TBC1D19: variants seen among roughly 807,000 people sequenced by gnomAD.
TBC1D19 encodes TBC1 domain family, member 19.
Under a neutral mutation model 89.0 loss-of-function variants are expected in TBC1D19, and 60 were observed. The observed-to-expected ratio is 0.67, with a 90% CI of 0.55 to 0.84. The LOEUF (loss-of-function observed/expected upper bound fraction) is 0.84, where lower values mean the gene tolerates loss of function less well. Ranked by LOEUF, TBC1D19 falls within the 40% of genes least tolerant of loss-of-function variation. The pLI, the probability that TBC1D19 is intolerant of heterozygous loss-of-function variation, is 0.00. For missense variants in TBC1D19, 500 were observed against 610.8 expected, an observed-to-expected ratio of 0.82 and a Z score of 1.91; for synonymous variants, 189 against 199.7, an observed-to-expected ratio of 0.95 and a Z score of 0.45.
intron 15 of TBC1D19, among the ~76,000 whole-genome samples, chr4:26,732,739 C>T (rs567990819): frequency 3.9e-5 from 6 of 152,304 alleles, no homozygotes; most frequent in Non-Finnish European, 5.9e-5. Context: ...CACACATAAA[C>T]AAGCTGCAAA....
chr4:26,581,591 G>T (rs1171506443), upstream of TBC1D19, among the ~76,000 whole-genome samples: 1 of 152,164 alleles, frequency 6.6e-6, no homozygotes, highest in South Asian at 2.1e-4. Flanking sequence ...TGGTGTATAT[G>T]TGCCACCAGA....
intron 7 of TBC1D19, 59 bp downstream of exon 7, chr4:26,640,246 G>T (rs1577852773): frequency 1.5e-6 from 2 of 1,378,774 alleles, no homozygotes; most frequent in East Asian, 2.3e-5. Flanking sequence ...AATAAATGAT[G>T]ATGTAAAAAT....
chr4:26,853,481 G>A, the TBC1D19 span, among the ~76,000 whole-genome samples: 1 of 151,956 alleles, frequency 6.6e-6, no homozygotes, highest in Admixed American at 6.5e-5. Flanking sequence ...ACATAGTAGC[G>A]GGCCCAATAA....
the TBC1D19 span, among the ~76,000 whole-genome samples, chr4:26,769,590 T>C: frequency 1.3e-5 from 2 of 151,890 alleles, no homozygotes; most frequent in African/African-American, 2.4e-5. Context: ...ACACCCAGCC[T>C]GGAGTGTAGT....
intron 1 of TBC1D19, among the ~76,000 whole-genome samples, chr4:26,603,833 T>C (rs1026130663): frequency 2.0e-4 from 30 of 152,372 alleles, no homozygotes; most frequent in African/African-American, 6.3e-4. Flanking sequence ...AATGACCATT[T>C]TAATCAGTAA....
rs1743195108 is a variant in TBC1D19, at chr4:26,637,302, T to C, written c.369+17T>C. 5.0e-6 allele frequency: 8 copies of C among 1,591,980 alleles called. No homozygotes were observed. The South Asian group carries it at 7.8e-5, about 16-fold the overall frequency. On this transcript the variant is annotated intron_variant, in intron 5 of 20. Coordinates refer to ENST00000264866, the MANE Select transcript of TBC1D19 (RefSeq NM_018317.4). ...GCACGAAAGGTACTTTTAAACATTT[T>C]TCTGTTTAAGTATTTCATTGTGAAT...
intron 19 of TBC1D19, among the ~76,000 whole-genome samples, chr4:26,751,131 C>T (rs1294356533): frequency 6.6e-6 from 1 of 152,162 alleles, no homozygotes; most frequent in African/African-American, 2.4e-5. Context: ...CAAACCTGTT[C>T]TGTGGAAGGG....
chr4:26,726,157 AC>A, intron 15 of TBC1D19, among the ~76,000 whole-genome samples: 1 of 151,162 alleles, frequency 6.6e-6, no homozygotes, highest in Non-Finnish European at 1.5e-5. Flanking sequence ...ACACACACAC[AC>A]ACACACACAC....
intron 13 of TBC1D19, among the ~76,000 whole-genome samples, chr4:26,698,849 T>C (rs558236946): frequency 6.6e-6 from 1 of 152,284 alleles, no homozygotes; most frequent in African/African-American, 2.4e-5. Flanking sequence ...TTACACCTTA[T>C]ACAAAAATTA....
intron 4 of TBC1D19, among the ~76,000 whole-genome samples, chr4:26,630,382 A>G (rs1221053836): frequency 6.6e-6 from 1 of 152,098 alleles, no homozygotes; most frequent in Admixed American, 6.6e-5. Context: ...CTTTTGAATA[A>G]CATGAAAGCT....
rs1719189738 is a variant in TBC1D19, at chr4:26,755,019, A to C, written c.*72A>C. The C allele has an allele frequency of 1.5e-6, 2 of 1,376,738 alleles. No homozygotes were observed. Among genetic ancestry groups the C allele is most frequent in the Admixed American group, 4.7e-5 (2 of 42,530 alleles). 85.3% of individuals were successfully genotyped at this position (1,376,738 alleles called of 1,614,324 possible). A position where few individuals can be genotyped will look rare whatever the true frequency, so the allele number is the denominator to read the frequency against. On this transcript the variant is annotated 3_prime_UTR_variant, in exon 21 of 21. Coordinates refer to ENST00000264866, the MANE Select transcript of TBC1D19 (RefSeq NM_018317.4). ...AAATCATGAACTATGCAAACTCTGC[A>C]TAAAACCAAAATGAAACTTTGCATA...
At chr4:26,821,667 A>G in the TBC1D19 span, among the ~76,000 whole-genome samples, 1 of 152,210 alleles carries the variant, frequency 6.6e-6, no homozygotes. Context: ...TTGCCTGCGA[A>G]TGCAGGTCCT....
rs79043069 is a variant in TBC1D19 at position 26,734,069 on chromosome 4, T to A, written c.1085-1386T>A. Reference sequence around the variant, plus strand: ...TGTCTTCAAATATTTCTGAACATTTTCACATAGAAGATAAATTAGATTTGT... The same window carrying A: ...TGTCTTCAAATATTTCTGAACATTTACACATAGAAGATAAATTAGATTTGT... On this transcript the variant is annotated intron_variant, in intron 15 of 20. Coordinates refer to ENST00000264866, the MANE Select transcript of TBC1D19 (RefSeq NM_018317.4). Among the ~76,000 whole-genome samples the A allele has an allele frequency of 6.5e-3, 983 of 152,310 alleles. 9 individuals are homozygous for A. Among genetic ancestry groups the A allele is most frequent in the African/African-American group, 0.023 (942 of 41,560 alleles).
chr4:26,581,121 T>G (rs1417819217), upstream of TBC1D19, among the ~76,000 whole-genome samples: 2 of 152,220 alleles, frequency 1.3e-5, no homozygotes, highest in African/African-American at 4.8e-5. Context: ...CCTCTTGCTA[T>G]TCATCTGTTA....
chr4:26,656,660 G>A (rs574600778), intron 7 of TBC1D19, among the ~76,000 whole-genome samples: 16 of 151,714 alleles, frequency 1.1e-4, no homozygotes, highest in Non-Finnish European at 2.2e-4. Flanking sequence ...CCGGGTTAAA[G>A]CAATTCTCCT....
intron 13 of TBC1D19, among the ~76,000 whole-genome samples, chr4:26,710,928 G>A (rs1716141877): frequency 6.6e-6 from 1 of 152,114 alleles, no homozygotes; most frequent in Admixed American, 6.5e-5. Flanking sequence ...CTGGATGTTA[G>A]CCCTTTGTCA....
the TBC1D19 span, among the ~76,000 whole-genome samples, chr4:26,795,888 G>A: frequency 6.6e-6 from 1 of 152,120 alleles, no homozygotes; most frequent in South Asian, 2.1e-4. Flanking sequence ...TCCCACATCT[G>A]CCCAGTTCCA....
At chr4:26,628,543 C>T (rs1403658660) in intron 4 of TBC1D19, among the ~76,000 whole-genome samples, 1 of 151,978 alleles carries the variant, frequency 6.6e-6, no homozygotes, top group African/African-American at 2.4e-5. Context: ...AAAGGGTATT[C>T]AATTAGGAAA....
chr4:26,642,650 T>A (rs1352851242), intron 7 of TBC1D19, among the ~76,000 whole-genome samples: 1 of 151,792 alleles, frequency 6.6e-6, no homozygotes, highest in Admixed American at 6.6e-5. Flanking sequence ...GGATAAAGAG[T>A]CAAGACCTAT....
Sources: allele counts gnomAD v4.1 joint callset (sites outside exome capture counted in the v4.1 genomes callset), GRCh38; gene constraint gnomAD v4.1.1; transcripts MANE v1.5; gene names NCBI Gene and HGNC (gene_info 2026-07-23, HGNC 2026-07-21).